The following HM13 variants were observed in gnomAD, a reference collection of about 807,000 sequenced individuals.
The protein encoded by HM13 is histocompatibility minor 13.
HM13 carries 18 observed loss-of-function variants against 50.0 expected under a neutral mutation model. The observed-to-expected ratio is 0.36, with a 90% CI of 0.25 to 0.53. The LOEUF (loss-of-function observed/expected upper bound fraction) is 0.53. Among genes scored for constraint, HM13 ranks in the 20% least tolerant of loss-of-function variants. HM13 has a pLI of 0.90. For missense variants in HM13, 393 were observed against 552.4 expected (o/e 0.71, Z 2.89); for synonymous variants, 197 against 232.6 (o/e 0.85, Z 1.39).
chr20:31,548,991 T>C (rs1983872421), intron 4 of HM13, 38 bp from the exon 5 acceptor site: 1 of 1,579,386 alleles, frequency 6.3e-7, no homozygotes, highest in Non-Finnish European at 8.7e-7. Flanking sequence ...GGGGTAGCCC[T>C]GCCTCAGGGA....
intron 1 of HM13, among the ~76,000 whole-genome samples, chr20:31,517,431 G>A (rs926685741): frequency 9.2e-5 from 14 of 152,298 alleles, no homozygotes; most frequent in Non-Finnish European, 1.2e-4. Flanking sequence ...GGCCCTCAGC[G>A]AACAGGACTG....
At position 31,566,240 on chromosome 20, in the gene HM13, A is replaced by G. The variant is rs748707219; in HGVS notation, c.979A>G (p.Ile327Val). 2.5e-6 allele frequency: 4 copies of G among 1,613,774 alleles called. No homozygotes were observed. The African/African-American group carries it at 4.0e-5, about 16-fold the overall frequency. Residue 327 changes from isoleucine to valine, a missense_variant, in exon 11 of 13, where the codon ATC (isoleucine) becomes GTC (valine). By Grantham distance (29) the Ile-to-Val change is conservative. Around this residue, in one of 3 missense-constraint regions of HM13, gnomAD observed 74 missense variants for 160.4 expected, o/e 0.46. Coordinates refer to ENST00000398174, the MANE Select transcript of HM13 (RefSeq NM_178581.3). ...CCTCCTATACCTGGTCCCCGCCTGC[A>G]TCGGTTTTCCTGTCCTGGTGGCGCT... ...PALLYLVPACIGFPVLVALAK... is the reference protein window; with the variant it reads ...PALLYLVPACVGFPVLVALAK...
intron 10 of HM13, chr20:31,563,431 C>T (rs911766574): frequency 3.3e-5 from 5 of 152,454 alleles, no homozygotes; most frequent in African/African-American, 1.2e-4. Flanking sequence ...TCAAGCAATT[C>T]TCCTGCCTCA....
intron 10 of HM13, 89 bp downstream of exon 10, chr20:31,561,825 A>G: frequency 1.1e-6 from 1 of 878,400 alleles, no homozygotes; most frequent in East Asian, 2.5e-5. Flanking sequence ...CAAGCAGTCC[A>G]GAGATAGGCA....
At chr20:31,536,882 A>T (rs1983144659) in intron 2 of HM13, among the ~76,000 whole-genome samples, 1 of 151,996 alleles carries the variant, frequency 6.6e-6, no homozygotes, top group African/African-American at 2.4e-5. Flanking sequence ...GCCCATTACC[A>T]CCTAACAATA....
At chr20:31,533,099 T>C (rs1188349059) in intron 2 of HM13, among the ~76,000 whole-genome samples, 4 of 152,240 alleles carry the variant, frequency 2.6e-5, no homozygotes, top group Non-Finnish European at 4.4e-5. Flanking sequence ...GACATCTGGC[T>C]GGTTGGTTTG....
chr20:31,566,921 C>G (rs966478707), intron 11 of HM13, among the ~76,000 whole-genome samples: 1 of 152,150 alleles, frequency 6.6e-6, no homozygotes, highest in South Asian at 2.1e-4. Context: ...ACTGCCGACC[C>G]TGCCTGCCAG....
At chr20:31,535,002 C>T (rs906392872) in intron 2 of HM13, among the ~76,000 whole-genome samples, 8 of 151,668 alleles carry the variant, frequency 5.3e-5, no homozygotes, top group Non-Finnish European at 1.0e-4. Flanking sequence ...AGGAGAGTGG[C>T]GTGAACCCGG....
chr20:31,537,023 A>G lies in HM13; in HGVS notation c.283-1156A>G, dbSNP rs551397574. 3.7e-4 allele frequency among the ~76,000 whole-genome samples: 57 copies of G among 152,344 alleles called. 1 individual carries two copies. Among genetic ancestry groups the G allele is most frequent in the Admixed American group, 3.3e-3 (51 of 15,308 alleles). On this transcript the variant is annotated intron_variant, in intron 2 of 12. Transcript: ENST00000398174. ...ATGCCTTGCACGTAGTAGGCAATCA[A>G]TCAGTATGGGCTGAATTACTGAGGG...
intron 1 of HM13, among the ~76,000 whole-genome samples, chr20:31,517,643 A>C (rs1568776750): frequency 1.3e-5 from 2 of 151,982 alleles, no homozygotes; most frequent in Non-Finnish European, 2.9e-5. Context: ...AGAGCAGGAG[A>C]AGGTGGGGCA....
At chr20:31,532,742 G>A (rs1982891320) in intron 2 of HM13, among the ~76,000 whole-genome samples, 1 of 152,208 alleles carries the variant, frequency 6.6e-6, no homozygotes, top group South Asian at 2.1e-4. Context: ...TGTACCTTAA[G>A]ATCTCTCCGT....
chr20:31,534,030 C>T (rs1040209339), intron 2 of HM13, among the ~76,000 whole-genome samples: 5 of 152,252 alleles, frequency 3.3e-5, no homozygotes, highest in South Asian at 4.1e-4. Context: ...CAGGCATGCA[C>T]CACCACGCCC....
intron 10 of HM13, among the ~76,000 whole-genome samples, chr20:31,564,862 AAAAAG>A (rs1261716072): frequency 7.4e-4 from 112 of 151,404 alleles, no homozygotes; most frequent in East Asian, 4.3e-3. Flanking sequence ...AAAAAAAAAA[AAAAAG>A]AAAAGAAAAG....
At chr20:31,541,026 C>T (rs1983424849) in intron 3 of HM13, 1 of 151,484 alleles carries the variant, frequency 6.6e-6, no homozygotes, top group Non-Finnish European at 1.5e-5. Context: ...TTAGCCACTT[C>T]ATAATTTTTA....
chr20:31,532,344 G>C (rs543018325), intron 2 of HM13, among the ~76,000 whole-genome samples: 2 of 152,322 alleles, frequency 1.3e-5, no homozygotes, highest in East Asian at 3.9e-4. Flanking sequence ...AGAATCGCTT[G>C]AACCAGGGAG....
chr20:31,553,343 A>G (rs1174932542), intron 7 of HM13, among the ~76,000 whole-genome samples: 1 of 151,602 alleles, frequency 6.6e-6, no homozygotes, highest in Non-Finnish European at 1.5e-5. Context: ...CCCTACCTGC[A>G]AGTAAGGAAT....
rs531067420 is a variant in HM13, at chr20:31,548,231, G to A, written c.455-798G>A. ...CCACAGATGAAAAAACAAATTAGGG[G>A]ACAAGCAGCAAGCAGTCTGCTAACA... On this transcript the variant is annotated intron_variant, in intron 4 of 12. Transcript: ENST00000398174. 2.2e-4 allele frequency: 124 copies of A among 565,224 alleles called. 1 individual carries two copies. In the South Asian group the frequency reaches 2.3e-3, roughly 11 times the overall value. The allele number at this position is 565,224 out of a possible 1,614,324, so 35.0% of individuals were successfully genotyped here. A position where few individuals can be genotyped will look rare whatever the true frequency, so the allele number is the denominator to read the frequency against.
At chr20:31,567,545 T>C (rs139827780) in intron 11 of HM13, 1 of 152,270 alleles carries the variant, frequency 6.6e-6, no homozygotes, top group African/African-American at 2.4e-5. Context: ...TCTCCCCATT[T>C]CTCTCCCAAT....
intron 1 of HM13, among the ~76,000 whole-genome samples, chr20:31,517,506 C>T (rs1475785672): frequency 6.6e-6 from 1 of 152,112 alleles, no homozygotes; most frequent in East Asian, 1.9e-4. Context: ...AAGGCCAAGC[C>T]CTGCCCTCAC....
Sources: gnomAD v4.1 joint callset for allele counts (sites outside exome capture counted in the v4.1 genomes callset) on GRCh38, gnomAD v4.1.1 for gene constraint, gnomAD v4.1.1 regional missense constraint, MANE v1.5 for transcripts, NCBI Gene and HGNC (gene_info 2026-07-23, HGNC 2026-07-21) for gene names.